The following TMEM132D variants were observed in gnomAD, a reference collection of about 807,000 sequenced individuals.
TMEM132D encodes the protein transmembrane protein 132D.
Under a neutral mutation model 62.3 loss-of-function variants are expected in TMEM132D, and 21 were observed. The observed-to-expected ratio is 0.34, with a 90% CI of 0.24 to 0.49. The LOEUF (loss-of-function observed/expected upper bound fraction) is 0.49, where lower values mean the gene tolerates loss of function less well. TMEM132D is among the 20% of genes least tolerant of loss of function. TMEM132D has a pLI of 0.99. For synonymous variants in TMEM132D, 621 were observed against 575.6 expected (o/e 1.08, Z -1.13); for missense variants, 1,346 against 1,402.8 (o/e 0.96, Z 0.65).
chr12:129,433,684 G>C (rs932845938), intron 3 of TMEM132D, among the ~76,000 whole-genome samples: 11 of 152,186 alleles, frequency 7.2e-5, no homozygotes, highest in Non-Finnish European at 1.5e-5. Context: ...CCAGAACTGG[G>C]GAAGCAGAGA....
chr12:129,738,797 C>T (rs1869508329), intron 1 of TMEM132D, among the ~76,000 whole-genome samples: 1 of 152,170 alleles, frequency 6.6e-6, no homozygotes, highest in East Asian at 1.9e-4. Context: ...GGAGAAGGGT[C>T]AATGCCATCT....
intron 3 of TMEM132D, among the ~76,000 whole-genome samples, chr12:129,377,983 A>G (rs1566049918): frequency 6.6e-6 from 1 of 152,246 alleles, no homozygotes; most frequent in Non-Finnish European, 1.5e-5. Flanking sequence ...TGGGATCACC[A>G]TCTTCACAGA....
chr12:129,394,842 G>T (rs1466078760), intron 3 of TMEM132D, among the ~76,000 whole-genome samples: 1 of 152,194 alleles, frequency 6.6e-6, no homozygotes, highest in African/African-American at 2.4e-5. Flanking sequence ...GTGACAGATG[G>T]GCTGCAAAAG....
intron 2 of TMEM132D, among the ~76,000 whole-genome samples, chr12:129,663,260 T>G (rs1268435772): frequency 6.6e-6 from 1 of 152,202 alleles, no homozygotes; most frequent in African/African-American, 2.4e-5. Context: ...TGCCTTGGCC[T>G]GCCGAGTAGC....
chr12:129,691,703 C>T (rs1367910241), intron 2 of TMEM132D, among the ~76,000 whole-genome samples: 1 of 151,782 alleles, frequency 6.6e-6, no homozygotes, highest in Admixed American at 6.6e-5. Flanking sequence ...ATTCATAAAC[C>T]ATAATATCAC....
chr12:129,427,968 G>C (rs191440718), intron 3 of TMEM132D, among the ~76,000 whole-genome samples: 1 of 151,670 alleles, frequency 6.6e-6, no homozygotes, highest in Admixed American at 6.6e-5. Context: ...ATCCTCTCTC[G>C]GATAAACAGA....
chr12:129,346,646 C>A (rs999684529), intron 3 of TMEM132D, among the ~76,000 whole-genome samples: 4 of 152,160 alleles, frequency 2.6e-5, no homozygotes, highest in Non-Finnish European at 5.9e-5. Context: ...TGAAAACCGG[C>A]ACAAGACAAG....
chr12:129,170,085 C>G (rs1877679444), intron 5 of TMEM132D: 1 of 152,248 alleles, frequency 6.6e-6, no homozygotes, highest in Admixed American at 6.5e-5. Context: ...TCCAGGCAGT[C>G]TGACTTCTTT....
At chr12:129,205,366 C>G (rs903773242) in intron 5 of TMEM132D, among the ~76,000 whole-genome samples, 4 of 130,246 alleles carry the variant, frequency 3.1e-5, no homozygotes, top group Admixed American at 2.3e-4. Flanking sequence ...GAGTTACAAT[C>G]CTAATTTCAG....
chr12:129,349,364 G>A (rs1869792570), intron 3 of TMEM132D, among the ~76,000 whole-genome samples: 1 of 152,148 alleles, frequency 6.6e-6, no homozygotes, highest in Non-Finnish European at 1.5e-5. Context: ...TGAGGCTCTA[G>A]ATAATCCTGA....
intron 8 of TMEM132D, among the ~76,000 whole-genome samples, chr12:129,076,877 G>A (rs778184844): frequency 1.1e-4 from 17 of 152,234 alleles, no homozygotes; most frequent in Admixed American, 9.8e-4. Context: ...CTGGTGGTCC[G>A]CTGATGTTAT....
intron 2 of TMEM132D, among the ~76,000 whole-genome samples, chr12:129,680,335 A>G (rs140907822): frequency 1.3e-4 from 20 of 152,332 alleles, no homozygotes; most frequent in Non-Finnish European, 2.6e-4. Context: ...CCAAAAAGAT[A>G]AAAGGGAAAA....
intron 2 of TMEM132D, among the ~76,000 whole-genome samples, chr12:129,537,979 A>G (rs1223949017): frequency 6.6e-6 from 1 of 152,220 alleles, no homozygotes; most frequent in African/African-American, 2.4e-5. Flanking sequence ...CGCGGCACAC[A>G]GGCCAGGTGC....
chr12:129,614,959 C>T (rs1270656216), intron 2 of TMEM132D, among the ~76,000 whole-genome samples: 2 of 152,198 alleles, frequency 1.3e-5, no homozygotes, highest in African/African-American at 2.4e-5. Flanking sequence ...TCTACCCTGG[C>T]CCCTGCATTC....
chr12:129,268,899 C>T (rs1033794883), intron 4 of TMEM132D, among the ~76,000 whole-genome samples: 1 of 151,800 alleles, frequency 6.6e-6, no homozygotes, highest in Non-Finnish European at 1.5e-5. Context: ...AACCAGCATT[C>T]TCAGCAAACT....
At chr12:129,794,721 ACTAT>A (rs1871509582) in intron 1 of TMEM132D, among the ~76,000 whole-genome samples, 1 of 152,094 alleles carries the variant, frequency 6.6e-6, no homozygotes, top group African/African-American at 2.4e-5. Flanking sequence ...TTATATTTTT[ACTAT>A]CTGTGAGTGC....
At chr12:129,343,122 C>T (rs1371385467) in intron 3 of TMEM132D, among the ~76,000 whole-genome samples, 1 of 152,162 alleles carries the variant, frequency 6.6e-6, no homozygotes, top group Non-Finnish European at 1.5e-5. Flanking sequence ...AAGACACATG[C>T]ACATGTATGT....
intron 1 of TMEM132D, among the ~76,000 whole-genome samples, chr12:129,717,883 C>T (rs1048670746): frequency 2.0e-5 from 3 of 152,132 alleles, no homozygotes; most frequent in African/African-American, 4.8e-5. Context: ...CAAGTGCGCT[C>T]GTGCTGGTGG....
At chr12:129,541,637 C>T (rs903843808) in intron 2 of TMEM132D, among the ~76,000 whole-genome samples, 10 of 152,148 alleles carry the variant, frequency 6.6e-5, no homozygotes, top group Admixed American at 4.6e-4. Context: ...ACATTCTGAA[C>T]TGCCCACATG....
Sources: gnomAD v4.1 joint callset for allele counts (sites outside exome capture counted in the v4.1 genomes callset) on GRCh38, gnomAD v4.1.1 for gene constraint, MANE v1.5 for transcripts, NCBI Gene and HGNC (gene_info 2026-07-23, HGNC 2026-07-21) for gene names.